Variants in FMNL1 observed in about 807,000 individuals in gnomAD.
FMNL1 encodes the protein formin like 1, also known as formin-like protein 1.
Under a neutral mutation model 121.3 loss-of-function variants are expected in FMNL1, and 43 were observed. The observed-to-expected ratio is 0.35, with a 90% CI of 0.28 to 0.46. FMNL1 has a LOEUF of 0.46. Among genes scored for constraint, FMNL1 ranks in the 20% least tolerant of loss-of-function variants. The pLI is 1.00. For synonymous variants in FMNL1, 613 were observed against 613.5 expected, an observed-to-expected ratio of 1.00 and a Z score of 0.01; for missense variants, 1,191 against 1,482.4, an observed-to-expected ratio of 0.80 and a Z score of 3.23.
At chr17:45,223,367 C>T (rs2043268175) in intron 1 of FMNL1, among the ~76,000 whole-genome samples, 1 of 152,178 alleles carries the variant, frequency 6.6e-6, no homozygotes, top group Non-Finnish European at 1.5e-5. Flanking sequence ...GGTCATTAGG[C>T]CATACGTGCT....
At chr17:45,222,287 C>T in intron 1 of FMNL1, 34 bp downstream of exon 1, 1 of 1,153,888 alleles carries the variant, frequency 8.7e-7, no homozygotes, top group Non-Finnish European at 1.1e-6. Flanking sequence ...CGGGCGCGGG[C>T]GGGGGGCGGC....
In FMNL1 at chr17:45,236,231, T is replaced by C. The variant is rs2043546902; in HGVS notation, c.710T>C (p.Ile237Thr). ...VHVCIMCLRA[I>T]MNYQSGFSLV... ...GTCTGTATTATGTGCCTACGCGCCA[T>C]CATGAACTACCAGGTCAGCCGAGGG... Residue 237 changes from isoleucine (I) to threonine (T), a missense_variant, in exon 7 of 27, where the codon ATC (isoleucine) becomes ACC (threonine). Around this residue, in one of 4 missense-constraint regions of FMNL1, gnomAD observed 253 missense variants for 417.5 expected, o/e 0.61. Transcript: ENST00000331495. 2 of 1,613,900 alleles carry C rather than the reference T, an allele frequency of 1.2e-6. No individual in the cohort carries two copies. Among genetic ancestry groups the C allele is most frequent in the Non-Finnish European group, 1.7e-6 (2 of 1,179,946 alleles).
Position 45,236,119 on chromosome 17 carries a change from C to T in FMNL1, c.615-17C>T, listed in dbSNP as rs745522670. 2.5e-6 allele frequency: 4 copies of T among 1,605,808 alleles called. No individual in the cohort carries two copies. Among genetic ancestry groups the T allele is most frequent in the African/African-American group, 1.3e-5 (1 of 74,998 alleles). ...GGCTCACTCTGACTCCTGCTGCCTC[C>T]TCCACACCCCGCCCAGGCTGACCCC... On this transcript the variant is annotated splice_polypyrimidine_tract_variant and intron_variant, in intron 6 of 26. Transcript: ENST00000331495.
In FMNL1 at chr17:45,246,894, C is replaced by T. The variant is rs775768142; in HGVS notation, c.*36C>T. ...CTGCGGAACCAGCCCTACATCCGCG[C>T]AGACACAGGCCGCCGCAGTGCCCGT... On this transcript the variant is annotated 3_prime_UTR_variant, in exon 27 of 27. Coordinates refer to ENST00000331495, the MANE Select transcript of FMNL1 (RefSeq NM_005892.4). 1 of 755,650 alleles carries T rather than the reference C, an allele frequency of 1.3e-6. No individual in the cohort carries two copies. Among genetic ancestry groups the T allele is most frequent in the South Asian group, 1.4e-5 (1 of 72,536 alleles). The allele number at this position is 755,650 out of a possible 1,614,324, so 46.8% of individuals were successfully genotyped here. A position where few individuals can be genotyped will look rare whatever the true frequency, so the allele number is the denominator to read the frequency against.
intron 1 of FMNL1, among the ~76,000 whole-genome samples, chr17:45,223,660 G>A (rs572567380): frequency 5.3e-5 from 8 of 152,262 alleles, no homozygotes; most frequent in African/African-American, 1.9e-4. Flanking sequence ...GATGGGGGAG[G>A]GGGGAGAATG....
At position 45,241,229 on chromosome 17, in the gene FMNL1, G is replaced by A. The variant is rs1417982331; in HGVS notation, c.1331G>A (p.Arg444Gln). Residue 444 changes from arginine to glutamine, a missense_variant and splice_region_variant, in exon 13 of 27, where the codon CGG (arginine) becomes CAG (glutamine). Arg to Gln is a conservative substitution (Grantham distance 43, BLOSUM62 1). This residue lies in a region of FMNL1 where 519 missense variants were observed against 492.8 expected (regional missense o/e 1.05). Coordinates refer to ENST00000331495, the MANE Select transcript of FMNL1 (RefSeq NM_005892.4). This position sits in a 1 kb window ranked among gnomAD's most constrained non-coding sequence, Gnocchi z 7.0. ...SQARKELETL[R>Q]ERFSESTAMG... The stretch of plus-strand genomic sequence containing the variant: ...GCGCGCAAGGAGTTGGAGACCCTGC[G>A]GGTGAGGCTGGGGCGGGTGGTAGGC... The A allele has an allele frequency of 1.2e-6, 2 of 1,614,012 alleles. No individual in the cohort carries two copies. Among genetic ancestry groups the A allele is most frequent in the East Asian group, 2.2e-5 (1 of 44,870 alleles).
chr17:45,222,505 A>C (rs1218278098), intron 1 of FMNL1, among the ~76,000 whole-genome samples: 2 of 152,062 alleles, frequency 1.3e-5, no homozygotes, highest in African/African-American at 2.4e-5. Flanking sequence ...CTGGGTCTTA[A>C]GGTCTAAACA....
Position 45,237,407 on chromosome 17 carries a change from T to C in FMNL1, c.800+50T>C, listed in dbSNP as rs1271614197. ...CTCCGTATCTAGAGTCTTCTCCTACTTAGCCCCTTGCTTACTCTGTCCTCC... is the reference window on the plus strand; with the variant it reads ...CTCCGTATCTAGAGTCTTCTCCTACCTAGCCCCTTGCTTACTCTGTCCTCC... On this transcript the variant is annotated intron_variant, in intron 8 of 26. Coordinates refer to ENST00000331495, the MANE Select transcript of FMNL1 (RefSeq NM_005892.4). This position sits in a 1 kb window ranked among gnomAD's most constrained non-coding sequence, Gnocchi z 4.4. 1.2e-6 allele frequency: 2 copies of C among 1,611,810 alleles called. No individual in the cohort carries two copies. Among genetic ancestry groups the C allele is most frequent in the Non-Finnish European group, 1.7e-6 (2 of 1,177,986 alleles).
chr17:45,247,264 G>A lies in FMNL1; in HGVS notation c.*406G>A, dbSNP rs1211402282. On this transcript the variant is annotated 3_prime_UTR_variant, in exon 27 of 27. Coordinates refer to ENST00000331495, the MANE Select transcript of FMNL1 (RefSeq NM_005892.4). ...CCTCGCCCCCGCAAGCCCCAGCCCC[G>A]AGGACCGTCCATGGACCTTATTTTT... 3 of 449,130 alleles carry A rather than the reference G, an allele frequency of 6.7e-6. No homozygotes were observed. Among genetic ancestry groups the A allele is most frequent in the South Asian group, 9.0e-5 (2 of 22,302 alleles). The allele number at this position is 449,130 out of a possible 1,614,324, so 27.8% of individuals were successfully genotyped here.
chr17:45,246,722 G>A, intron 26 of FMNL1, 118 bp downstream of exon 26: 1 of 1,074,366 alleles, frequency 9.3e-7, no homozygotes, highest in South Asian at 1.5e-5. Context: ...GATTTGTGGG[G>A]TGGAGGGGTC....
At chr17:45,222,431 C>T (rs769305480) in intron 1 of FMNL1, among the ~76,000 whole-genome samples, 178 bp downstream of exon 1, 1 of 152,070 alleles carries the variant, frequency 6.6e-6, no homozygotes, top group Non-Finnish European at 1.5e-5. Context: ...TGACTTAGCA[C>T]TCTCCCCCCA....
At position 45,233,123 on chromosome 17, in the gene FMNL1, A is replaced by C. The variant is rs2043474723; in HGVS notation, c.328-101A>C. 1 of 1,177,200 alleles carries C rather than the reference A, an allele frequency of 8.5e-7. No individual in the cohort carries two copies. Among genetic ancestry groups the C allele is most frequent in the Non-Finnish European group, 1.2e-6 (1 of 809,172 alleles). The allele number at this position is 1,177,200 out of a possible 1,614,324, so 72.9% of individuals were successfully genotyped here. A position where few individuals can be genotyped will look rare whatever the true frequency, so the allele number is the denominator to read the frequency against. ...CTGAGCATGAAAGGCCACTTGTGCC[A>C]GTTGGAGGAGGGTGGGCGCTGCTGC... On this transcript the variant is annotated intron_variant, in intron 3 of 26. Transcript: ENST00000331495. The surrounding 1 kb of genome is among the most constrained non-coding windows in gnomAD (Gnocchi z 4.1).
rs2043718660 is a variant in FMNL1, at chr17:45,242,128, G to C, written c.1867G>C (p.Asp623His). ...TCCTCCTGATGCCCTAGGAAGACGC[G>C]ACTCAGAATTGGGCCCAGGTGAGTG... is the stretch of plus-strand genomic sequence containing the variant. The part of the protein sequence containing the change: ...GGPPDALGRR[D>H]SELGPGVKAK... The change falls in exon 15 of 27, where the codon GAC (aspartate) becomes CAC (histidine). Residue 623 changes from aspartate to histidine, a missense_variant. This residue lies in a region of FMNL1 where 519 missense variants were observed against 492.8 expected (regional missense o/e 1.05). Transcript: ENST00000331495. 3 of 1,539,732 alleles carry C rather than the reference G, an allele frequency of 1.9e-6. No homozygotes were observed. Among genetic ancestry groups the C allele is most frequent in the Non-Finnish European group, 2.6e-6 (3 of 1,143,176 alleles).
chr17:45,241,520 A>C lies in FMNL1; in HGVS notation c.1471A>C (p.Ile491Leu). 6.3e-7 allele frequency: 1 copy of C among 1,580,772 alleles called. No homozygotes were observed. Among genetic ancestry groups the C allele is most frequent in the Non-Finnish European group, 8.6e-7 (1 of 1,164,348 alleles). Residue 491 changes from isoleucine to leucine, a missense_variant, in exon 14 of 27, where the codon ATT (isoleucine) becomes CTT (leucine). By Grantham distance (5) the Ile-to-Leu change is conservative. This residue lies in a region of FMNL1 where 519 missense variants were observed against 492.8 expected (regional missense o/e 1.05). Transcript: ENST00000331495. This position sits in a 1 kb window ranked among gnomAD's most constrained non-coding sequence, Gnocchi z 7.0. Reference protein sequence around the residue: ...EELEEKGLIRILRGPGDAVSI... With the variant: ...EELEEKGLIRLLRGPGDAVSI... ...GCTGGAGGAGAAGGGGTTAATCCGTATTCTGCGGGGGCCGGGGGATGCTGT... is the reference window on the plus strand; with the variant it reads ...GCTGGAGGAGAAGGGGTTAATCCGTCTTCTGCGGGGGCCGGGGGATGCTGT...
In FMNL1 at chr17:45,245,509, G is replaced by T. The variant is rs376891837; in HGVS notation, c.2892+93G>T. ...GTGTGGCCGTAGCTGGGACCCCTTG[G>T]GGGGATGCAGCAGGAATGAGGGGCC... On this transcript the variant is annotated intron_variant, in intron 22 of 26. Transcript: ENST00000331495. 10 of 1,604,698 alleles carry T rather than the reference G, an allele frequency of 6.2e-6. No individual in the cohort carries two copies. The African/African-American group carries it at 1.1e-4, about 17-fold the overall frequency.
rs1450925557 is a variant in FMNL1, at chr17:45,244,192, T to C, written c.2465T>C (p.Ile822Thr). 3.7e-6 allele frequency: 6 copies of C among 1,613,368 alleles called. No homozygotes were observed. Among genetic ancestry groups the C allele is most frequent in the Non-Finnish European group, 5.1e-6 (6 of 1,179,720 alleles). ...CACCCCCAGCAACTGAATGCCATCATTGCAGCCTCAATGTCCATCAAGTCC... is the reference window on the plus strand; with the variant it reads ...CACCCCCAGCAACTGAATGCCATCACTGCAGCCTCAATGTCCATCAAGTCC... ...QLLMPQLNAIIAASMSIKSSD... is the reference protein window; with the variant it reads ...QLLMPQLNAITAASMSIKSSD... The change falls in exon 19 of 27, where the codon ATT becomes ACT. Residue 822 changes from isoleucine (I) to threonine (T), a missense_variant. Ile to Thr is a moderately conservative substitution (Grantham distance 89). This residue lies in a region of FMNL1 where 367 missense variants were observed against 528.6 expected (regional missense o/e 0.69). Transcript: ENST00000331495.
In FMNL1 at chr17:45,240,420, G is replaced by A. The variant is rs545629777; in HGVS notation, c.1081-56G>A. Reference sequence around the variant, plus strand: ...TGGTGGCAGGGGGGTGGTTTGGAAAGACTCCCCCCCACACACACACCAGGC... The same window carrying A: ...TGGTGGCAGGGGGGTGGTTTGGAAAAACTCCCCCCCACACACACACCAGGC... On this transcript the variant is annotated intron_variant, in intron 11 of 26. Coordinates refer to ENST00000331495, the MANE Select transcript of FMNL1 (RefSeq NM_005892.4). 115 of 1,501,400 alleles carry A rather than the reference G, an allele frequency of 7.7e-5. No homozygotes were observed. The African/African-American group carries it at 1.5e-3, about 19-fold the overall frequency. The allele number at this position is 1,501,400 out of a possible 1,614,324, so 93.0% of individuals were successfully genotyped here.
intron 19 of FMNL1, among the ~76,000 whole-genome samples, chr17:45,244,516 T>C (rs1462606227): frequency 3.3e-5 from 5 of 152,038 alleles, no homozygotes; most frequent in East Asian, 1.9e-4. Context: ...CGGGAACCAG[T>C]AGAAATGGCT....
At chr17:45,230,111 C>T (rs879765129) in intron 1 of FMNL1, among the ~76,000 whole-genome samples, 3 of 152,218 alleles carry the variant, frequency 2.0e-5, no homozygotes, top group African/African-American at 4.8e-5. Flanking sequence ...GTGCCCTGGG[C>T]CTGGTCTGTG....
Sources: allele counts gnomAD v4.1 joint callset (sites outside exome capture counted in the v4.1 genomes callset), GRCh38; gene constraint gnomAD v4.1.1; regional missense constraint gnomAD v4.1.1; non-coding constraint Gnocchi (gnomAD v3.1); transcripts MANE v1.5; gene names NCBI Gene and HGNC (gene_info 2026-07-23, HGNC 2026-07-21).